Variants in CCDC85A observed in about 807,000 individuals in gnomAD.
CCDC85A encodes the protein coiled-coil domain-containing protein 85A.
Under a neutral mutation model 50.2 loss-of-function variants are expected in CCDC85A, and 38 were observed. That is an observed-to-expected ratio of 0.76 (90% CI 0.58 to 0.99). The LOEUF (loss-of-function observed/expected upper bound fraction) is 0.99, where lower values mean the gene tolerates loss of function less well. Among genes scored for constraint, CCDC85A ranks in the 50% least tolerant of loss-of-function variants. CCDC85A has a pLI of 0.00. For missense variants in CCDC85A, 820 were observed against 742.0 expected (o/e 1.11, Z -1.22); for synonymous variants, 366 against 301.4 (o/e 1.21, Z -2.22).
In CCDC85A at chr2:56,184,712, C is replaced by A. The variant is rs1287538678; in HGVS notation, c.88C>A (p.Pro30Thr). 2.6e-6 allele frequency: 4 copies of A among 1,529,614 alleles called. No homozygotes were observed. In the South Asian group the frequency reaches 4.9e-5, roughly 19 times the overall value. 94.8% of individuals were successfully genotyped at this position (1,529,614 alleles called of 1,614,324 possible). The change falls in exon 1 of 6, where the codon CCC (proline) becomes ACC (threonine). Residue 30 changes from proline (P) to threonine (T), a missense_variant. Pro to Thr is a conservative substitution (Grantham distance 38). Coordinates refer to ENST00000407595, the MANE Select transcript of CCDC85A (RefSeq NM_001080433.2). ...CCCGGCCGGCTCGTCCGCGGCCCCG[C>A]CCGCGCCGGTGGAGGACCTGTCCAA... The part of the protein sequence containing the change: ...PAPAGSSAAP[P>T]APVEDLSKVS...
At chr2:56,323,556 C>G (rs1319218145) in intron 2 of CCDC85A, among the ~76,000 whole-genome samples, 3 of 151,992 alleles carry the variant, frequency 2.0e-5, no homozygotes, top group Non-Finnish European at 2.9e-5. Context: ...TGTTGATGCT[C>G]CTTCCTGGGG....
intron 2 of CCDC85A, among the ~76,000 whole-genome samples, chr2:56,249,157 C>G (rs976293795): frequency 6.6e-6 from 1 of 152,204 alleles, no homozygotes; most frequent in African/African-American, 2.4e-5. Context: ...TCTGGACAAT[C>G]CATTGCTGTA....
chr2:56,227,105 T>A (rs1668575165), intron 2 of CCDC85A, among the ~76,000 whole-genome samples: 1 of 152,224 alleles, frequency 6.6e-6, no homozygotes, highest in African/African-American at 2.4e-5. Flanking sequence ...GAATCCTCTT[T>A]TATTATTAGT....
chr2:56,268,200 C>T (rs1670535091), intron 2 of CCDC85A, among the ~76,000 whole-genome samples: 1 of 152,120 alleles, frequency 6.6e-6, no homozygotes, highest in Non-Finnish European at 1.5e-5. Flanking sequence ...GAATAAGAAT[C>T]AATTATCTTA....
chr2:56,334,814 G>C lies in CCDC85A; in HGVS notation c.1241-8065G>C, dbSNP rs559091072. ...AAAGTACTGCTGGCTAGGGGAATGT[G>C]TGGGCAGAGACACAGAGCTAAGAGA... On this transcript the variant is annotated intron_variant, in intron 2 of 5. Coordinates refer to ENST00000407595, the MANE Select transcript of CCDC85A (RefSeq NM_001080433.2). Among the ~76,000 whole-genome samples the C allele has an allele frequency of 3.9e-4, 60 of 152,330 alleles. 1 individual carries two copies. The highest frequency in any genetic ancestry group is 6.2e-4 in the Non-Finnish European group (42 of 68,030).
At chr2:56,366,250 T>G (rs11125626) in intron 3 of CCDC85A, among the ~76,000 whole-genome samples, 73,724 of 152,022 alleles carry the variant, frequency 0.48, 19,675 homozygotes, top group East Asian at 0.78. Flanking sequence ...CATACTGATT[T>G]TGTTTAATTT....
intron 2 of CCDC85A, among the ~76,000 whole-genome samples, chr2:56,226,871 A>G (rs1668563889): frequency 6.6e-6 from 1 of 152,094 alleles, no homozygotes. Flanking sequence ...CTAGATCTGC[A>G]GCTTTGGAAT....
intron 3 of CCDC85A, among the ~76,000 whole-genome samples, chr2:56,356,704 G>A (rs900007209): frequency 2.9e-5 from 4 of 137,990 alleles, no homozygotes; most frequent in African/African-American, 1.1e-4. Context: ...CAGCCTGGCC[G>A]ACAGAACTTT....
rs188030024 is a variant in CCDC85A at position 56,241,145 on chromosome 2, T to C, written c.1240+47705T>C. Among the ~76,000 whole-genome samples the C allele has an allele frequency of 1.4e-4, 22 of 152,302 alleles. No individual in the cohort carries two copies. In the East Asian group the frequency reaches 2.1e-3, roughly 15 times the overall value. ...TTATTGACCATTTGCATATGTTGTT[T>C]GGAGAAATGTCTATTCAAACCCTTT... On this transcript the variant is annotated intron_variant, in intron 2 of 5. Transcript: ENST00000407595.
intron 2 of CCDC85A, among the ~76,000 whole-genome samples, chr2:56,329,943 CTGTTTTT>C (rs1437806733): frequency 5.7e-4 from 13 of 22,872 alleles, no homozygotes; most frequent in Admixed American, 1.0e-3. Flanking sequence ...TACAGATTTC[CTGTTTTT>C]TTTTTTTTTT....
chr2:56,311,451 A>G (rs573975395), intron 2 of CCDC85A, among the ~76,000 whole-genome samples: 2 of 148,154 alleles, frequency 1.3e-5, no homozygotes, highest in Non-Finnish European at 3.0e-5. Flanking sequence ...TGATCTGTTC[A>G]TCGTTGTTTT....
chr2:56,314,078 T>A (rs916385700), intron 2 of CCDC85A, among the ~76,000 whole-genome samples: 1 of 147,238 alleles, frequency 6.8e-6, no homozygotes, highest in Non-Finnish European at 1.5e-5. Flanking sequence ...GGAGTTGAGA[T>A]TGGATCTAGT....
intron 2 of CCDC85A, among the ~76,000 whole-genome samples, chr2:56,266,553 T>C (rs181764523): frequency 1.9e-4 from 27 of 144,864 alleles, no homozygotes; most frequent in Admixed American, 3.1e-4. Context: ...AATAAATATA[T>C]ATAATTGTCA....
At chr2:56,252,971 A>G (rs1048618300) in intron 2 of CCDC85A, among the ~76,000 whole-genome samples, 3 of 152,170 alleles carry the variant, frequency 2.0e-5, no homozygotes, top group Non-Finnish European at 4.4e-5. Context: ...GTAAGCCAAG[A>G]TCGCGCCACT....
intron 2 of CCDC85A, among the ~76,000 whole-genome samples, chr2:56,252,778 A>G (rs1358627130): frequency 6.6e-6 from 1 of 152,006 alleles, no homozygotes; most frequent in East Asian, 1.9e-4. Context: ...CCCACCTATG[A>G]GTGAGAACAT....
intron 2 of CCDC85A, among the ~76,000 whole-genome samples, chr2:56,214,597 G>A (rs1414439639): frequency 6.6e-6 from 1 of 151,828 alleles, no homozygotes; most frequent in Non-Finnish European, 1.5e-5. Context: ...GGGGGGAGCG[G>A]TACAGATGGG....
chr2:56,309,221 A>C (rs904422595), intron 2 of CCDC85A, among the ~76,000 whole-genome samples: 1 of 152,188 alleles, frequency 6.6e-6, no homozygotes, highest in Admixed American at 6.6e-5. Flanking sequence ...GAAAATAATC[A>C]ATTTATGATA....
intron 2 of CCDC85A, among the ~76,000 whole-genome samples, chr2:56,254,600 C>A (rs183179671): frequency 6.6e-6 from 1 of 152,208 alleles, no homozygotes; most frequent in Non-Finnish European, 1.5e-5. Flanking sequence ...TAATGGTGAA[C>A]TAAAATACGC....
chr2:56,242,941 G>A (rs1455585568), intron 2 of CCDC85A, among the ~76,000 whole-genome samples: 4 of 152,070 alleles, frequency 2.6e-5, no homozygotes, highest in Non-Finnish European at 5.9e-5. Flanking sequence ...TGAAAATGGT[G>A]AAAGATTGAA....
Sources: allele counts gnomAD v4.1 joint callset (sites outside exome capture counted in the v4.1 genomes callset), GRCh38; gene constraint gnomAD v4.1.1; transcripts MANE v1.5; gene names NCBI Gene and HGNC (gene_info 2026-07-23, HGNC 2026-07-21).